The following SAE1 variants were observed in gnomAD, a reference collection of about 807,000 sequenced individuals.
The protein encoded by SAE1 is SUMO1 activating enzyme subunit 1.
Under a neutral mutation model 40.6 loss-of-function variants are expected in SAE1, and 11 were observed. That is an observed-to-expected ratio of 0.27 (90% CI 0.17 to 0.45). The LOEUF (loss-of-function observed/expected upper bound fraction) is 0.45. Ranked by LOEUF, SAE1 falls within the 20% of genes least tolerant of loss-of-function variation. The pLI, the probability that SAE1 is intolerant of heterozygous loss-of-function variation, is 1.00. For synonymous variants in SAE1, 155 were observed against 154.3 expected (o/e 1.00, Z -0.03); for missense variants, 373 against 427.3 (o/e 0.87, Z 1.12).
intron 8 of SAE1, among the ~76,000 whole-genome samples, chr19:47,204,748 AG>A (rs980653795): frequency 4.0e-5 from 6 of 151,848 alleles, no homozygotes; most frequent in Admixed American, 3.3e-4. Flanking sequence ...CTCCCACCTC[AG>A]CCTCCCAAAG....
intron 6 of SAE1, among the ~76,000 whole-genome samples, chr19:47,192,016 C>T (rs1255951661): frequency 1.3e-5 from 2 of 149,552 alleles, no homozygotes; most frequent in Admixed American, 1.3e-4. Flanking sequence ...ATCGCGCCAC[C>T]GCACTCCAGC....
At chr19:47,145,452 A>T (rs1001669146) in intron 2 of SAE1, among the ~76,000 whole-genome samples, 13 of 152,096 alleles carry the variant, frequency 8.5e-5, no homozygotes, top group Admixed American at 4.6e-4. Context: ...CTGCTGACAT[A>T]ATGCTGTTTG....
At chr19:47,157,287 CT>C (rs2058330407) in intron 5 of SAE1, among the ~76,000 whole-genome samples, 1 of 152,124 alleles carries the variant, frequency 6.6e-6, no homozygotes, top group Non-Finnish European at 1.5e-5. Context: ...GGGTGCCTTT[CT>C]TTCTTTTTGA....
chr19:47,195,730 TTTC>T (rs2058609687), intron 6 of SAE1, among the ~76,000 whole-genome samples: 2 of 133,450 alleles, frequency 1.5e-5, no homozygotes, highest in Non-Finnish European at 1.5e-5. Context: ...CTTTCCTTTT[TTTC>T]TTCTTTTTTT....
At chr19:47,143,216 C>T (rs1479568262) in intron 1 of SAE1, among the ~76,000 whole-genome samples, 2 of 152,222 alleles carry the variant, frequency 1.3e-5, no homozygotes, top group Admixed American at 1.3e-4. Flanking sequence ...AGTGATTCTC[C>T]TGCCTCAGCC....
intron 6 of SAE1, among the ~76,000 whole-genome samples, chr19:47,190,698 C>T (rs2058573105): frequency 6.6e-6 from 1 of 152,160 alleles, no homozygotes; most frequent in Admixed American, 6.6e-5. Flanking sequence ...AGAGAAACAG[C>T]GGGGTCAGCT....
At position 47,210,228 on chromosome 19, in the gene SAE1, A is replaced by C. The variant is rs2123337167; in HGVS notation, c.*977A>C. ...TTCTTCCACTTCAGAAGCTTCTGAG[A>C]GGGAATGGGATGATCCTACCAGTTG... On this transcript the variant is annotated 3_prime_UTR_variant, in exon 9 of 9. Transcript: ENST00000270225. 1.3e-5 allele frequency: 2 copies of C among 152,264 alleles called. No individual in the cohort carries two copies. The allele number at this position is 152,264 out of a possible 1,614,324, so 9.4% of individuals were successfully genotyped here. A position where few individuals can be genotyped will look rare whatever the true frequency, so the allele number is the denominator to read the frequency against.
At chr19:47,198,027 T>C (rs2058627003) in intron 7 of SAE1, among the ~76,000 whole-genome samples, 1 of 152,188 alleles carries the variant, frequency 6.6e-6, no homozygotes, top group Admixed American at 6.6e-5. Context: ...GCTTTCACCT[T>C]ACGTGACTAC....
chr19:47,176,352 G>T (rs754321335), intron 6 of SAE1, among the ~76,000 whole-genome samples: 2 of 152,190 alleles, frequency 1.3e-5, no homozygotes, highest in Non-Finnish European at 2.9e-5. Flanking sequence ...TGTGACTGAC[G>T]ATGCCTTAGG....
chr19:47,180,039 G>A (rs776843307), intron 6 of SAE1: 4 of 384,140 alleles, frequency 1.0e-5, no homozygotes, highest in Non-Finnish European at 2.1e-5. Flanking sequence ...TGTGGTATTG[G>A]ATTGGAATTG....
chr19:47,157,603 G>T (rs2058332002), intron 5 of SAE1, among the ~76,000 whole-genome samples: 1 of 152,198 alleles, frequency 6.6e-6, no homozygotes. Flanking sequence ...ACCTCTTTTG[G>T]GAACCACTTT....
At chr19:47,178,868 A>G (rs553410368) in intron 6 of SAE1, among the ~76,000 whole-genome samples, 1 of 152,284 alleles carries the variant, frequency 6.6e-6, no homozygotes, top group South Asian at 2.1e-4. Flanking sequence ...GTAGCTGTTC[A>G]ATATAGTATT....
rs542392257 is a variant in SAE1, at chr19:47,152,691, C to T, written c.385-207C>T. On this transcript the variant is annotated intron_variant, in intron 3 of 8. Coordinates refer to ENST00000270225, the MANE Select transcript of SAE1 (RefSeq NM_005500.3). ...ATTTTATTTTGGCTGCAGAACGTGA[C>T]GGTCTCATAACTTATATTTTCTACA... 1.0e-3 allele frequency among the ~76,000 whole-genome samples: 153 copies of T among 152,238 alleles called. 1 individual carries two copies. The highest frequency in any genetic ancestry group is 3.5e-3 in the African/African-American group (145 of 41,548).
intron 1 of SAE1, among the ~76,000 whole-genome samples, chr19:47,138,518 T>C (rs2058196771): frequency 6.6e-6 from 1 of 152,236 alleles, no homozygotes; most frequent in Admixed American, 6.6e-5. Flanking sequence ...TTTTATTATG[T>C]ACCAGATTTC....
rs903798768 is a variant in SAE1, at chr19:47,189,515, C to T, written c.734-7718C>T. 7.9e-5 allele frequency among the ~76,000 whole-genome samples: 12 copies of T among 151,990 alleles called. 1 individual carries two copies. The highest frequency in any genetic ancestry group is 1.5e-4 in the Non-Finnish European group (10 of 67,990). On this transcript the variant is annotated intron_variant, in intron 6 of 8. Coordinates refer to ENST00000270225, the MANE Select transcript of SAE1 (RefSeq NM_005500.3). ...GGCGGAGGTTGCAGTGAGCAAAGATCGCGCCACTGCACTCCAGCCTGGGTG... is the reference window on the plus strand; with the variant it reads ...GGCGGAGGTTGCAGTGAGCAAAGATTGCGCCACTGCACTCCAGCCTGGGTG...
At chr19:47,189,638 T>C (rs1217345518) in intron 6 of SAE1, among the ~76,000 whole-genome samples, 3 of 152,070 alleles carry the variant, frequency 2.0e-5, no homozygotes, top group Admixed American at 1.3e-4. Flanking sequence ...AGCCAGGGAA[T>C]TGGGGCCGAG....
chr19:47,156,488 A>AT (rs2058325641), intron 5 of SAE1, among the ~76,000 whole-genome samples: 1 of 151,906 alleles, frequency 6.6e-6, no homozygotes, highest in Non-Finnish European at 1.5e-5. Flanking sequence ...CAAAAAAAAA[A>AT]GTTTTCTTTG....
At chr19:47,204,078 T>A (rs1029043743) in intron 8 of SAE1, among the ~76,000 whole-genome samples, 38 of 151,150 alleles carry the variant, frequency 2.5e-4, no homozygotes, top group African/African-American at 9.3e-4. Flanking sequence ...ACTATCATGA[T>A]CCCCACTTAA....
intron 3 of SAE1, 122 bp downstream of exon 3, chr19:47,150,497 A>C: frequency 1.3e-6 from 1 of 767,120 alleles, no homozygotes; most frequent in South Asian, 1.9e-5. Flanking sequence ...GCTTTTTCCC[A>C]AGAAAATGTA....
Sources: gnomAD v4.1 joint callset for allele counts (sites outside exome capture counted in the v4.1 genomes callset) on GRCh38, gnomAD v4.1.1 for gene constraint, MANE v1.5 for transcripts, NCBI Gene and HGNC (gene_info 2026-07-23, HGNC 2026-07-21) for gene names.